SLC30A8: variants seen among roughly 807,000 people sequenced by gnomAD.
SLC30A8 encodes solute carrier family 30 member 8.
SLC30A8 carries 27 observed loss-of-function variants against 36.9 expected under a neutral mutation model. The observed-to-expected ratio is 0.73, with a 90% CI of 0.54 to 1.01. The LOEUF (loss-of-function observed/expected upper bound fraction) is 1.01. Among genes scored for constraint, SLC30A8 ranks in the 50% least tolerant of loss-of-function variants. The probability of loss-of-function intolerance (pLI) is 0.00; values close to 1 mark genes in which losing one functional copy is unlikely to be tolerated. For missense variants in SLC30A8, 439 were observed against 452.0 expected (o/e 0.97, Z 0.26); for synonymous variants, 164 against 172.4 (o/e 0.95, Z 0.38).
In SLC30A8 at chr8:117,147,150, G is replaced by A. The variant is rs749244005; in HGVS notation, c.268G>A (p.Val90Met). The stretch of plus-strand genomic sequence containing the variant: ...CTTCATTTTCATGATTGCAGAGGTC[G>A]TGGGTGAGTCTTTCTGCAGACTTTT... ...ICFIFMIAEV[V>M]GGHIAGSLAV... Residue 90 changes from valine (V) to methionine (M), a missense_variant, in exon 2 of 8, where the codon GTG (valine) becomes ATG (methionine). Coordinates refer to ENST00000456015, the MANE Select transcript of SLC30A8 (RefSeq NM_173851.3). The A allele has an allele frequency of 2.7e-5, 43 of 1,613,414 alleles. No individual in the cohort carries two copies. The highest frequency in any genetic ancestry group is 1.2e-4 in the Admixed American group (7 of 60,024).
chr8:117,134,446 CT>C (rs1177456088), upstream of SLC30A8, among the ~76,000 whole-genome samples: 1 of 151,944 alleles, frequency 6.6e-6, no homozygotes, highest in Non-Finnish European at 1.5e-5. Context: ...AAGGAAAGTG[CT>C]TTGTATGAAG....
In SLC30A8 at chr8:117,174,572, G is replaced by A. The variant is rs183288033; in HGVS notation, c.*1891G>A. 2.0e-5 allele frequency: 3 copies of A among 152,638 alleles called. No homozygotes were observed. Among genetic ancestry groups the A allele is most frequent in the Non-Finnish European group, 2.9e-5 (2 of 68,006 alleles). 9.5% of individuals were successfully genotyped at this position (152,638 alleles called of 1,614,324 possible). On this transcript the variant is annotated 3_prime_UTR_variant, in exon 8 of 8. Transcript: ENST00000456015. ...TGGTTTATGCCAAATCACTTTTCCT[G>A]TCTGAAGGACCACTGAATGGTTTTG...
chr8:116,977,557 G>A (rs1398330005), intron 1 of SLC30A8, among the ~76,000 whole-genome samples: 1 of 146,914 alleles, frequency 6.8e-6, no homozygotes, highest in East Asian at 2.0e-4. Context: ...TGTCGCCCAG[G>A]CTGGAGTGCA....
intron 2 of SLC30A8, among the ~76,000 whole-genome samples, chr8:117,149,117 G>A (rs1301834052): frequency 6.6e-6 from 1 of 152,180 alleles, no homozygotes; most frequent in Admixed American, 6.5e-5. Flanking sequence ...TTATTTAGCT[G>A]TTAAGCAAAA....
chr8:117,152,870 A>G (rs1822258157), intron 2 of SLC30A8, 74 bp from the exon 3 acceptor site: 18 of 1,253,950 alleles, frequency 1.4e-5, no homozygotes, highest in Non-Finnish European at 1.6e-5. Context: ...ATTTTCACCC[A>G]TGATGGTTAG....
At chr8:116,995,031 A>G (rs993326259) in intron 1 of SLC30A8, among the ~76,000 whole-genome samples, 1 of 152,082 alleles carries the variant, frequency 6.6e-6, no homozygotes, top group Non-Finnish European at 1.5e-5. Context: ...TAGCAAGTTC[A>G]TGGAAGGTCA....
chr8:117,020,056 C>G (rs1323208549), intron 1 of SLC30A8, among the ~76,000 whole-genome samples: 1 of 152,182 alleles, frequency 6.6e-6, no homozygotes, highest in East Asian at 1.9e-4. Flanking sequence ...ACGCAATTGC[C>G]TGTCCGCCTC....
chr8:117,029,392 T>C (rs1310934042), intron 1 of SLC30A8, among the ~76,000 whole-genome samples: 1 of 152,196 alleles, frequency 6.6e-6, no homozygotes, highest in Non-Finnish European at 1.5e-5. Flanking sequence ...TTTGTTTTAT[T>C]TTAAGAGAAT....
rs111215995 is a variant in SLC30A8 at position 117,097,656 on chromosome 8, A to G, written c.-225-37624A>G. 1.4e-3 allele frequency among the ~76,000 whole-genome samples: 59 copies of G among 42,808 alleles called. 19 individuals are homozygous for G. Among genetic ancestry groups the G allele is most frequent in the African/African-American group, 2.5e-3 (9 of 3,582 alleles). 28.1% of individuals were successfully genotyped at this position (42,808 alleles called of 152,430 possible). ...TATAATATATAATTTTAAATAATAT[A>G]TATAATATATAATTTTAAATAATAT... On this transcript the variant is annotated intron_variant, in intron 2 of 10. Transcript: ENST00000427715.
intron 1 of SLC30A8, among the ~76,000 whole-genome samples, chr8:117,137,650 G>T (rs60697720): frequency 0.015 from 2,303 of 151,988 alleles, 55 homozygotes; most frequent in African/African-American, 0.049. Flanking sequence ...TGGGGCGGGG[G>T]TCTTAATTCT....
In SLC30A8 at chr8:117,152,940, C is replaced by G. The variant is rs376685204; in HGVS notation, c.272-4C>G. The G allele has an allele frequency of 1.2e-4, 185 of 1,592,246 alleles. No homozygotes were observed. The highest frequency in any genetic ancestry group is 1.5e-4 in the Non-Finnish European group (176 of 1,166,018). ...AACACAGTGTACTATTTTGCATTCT[C>G]TAGGTGGGCACATTGCTGGGAGTCT... On this transcript the variant is annotated splice_polypyrimidine_tract_variant and splice_region_variant and intron_variant, in intron 2 of 7. Transcript: ENST00000456015.
At chr8:117,155,542 T>G (rs1822436427) in intron 3 of SLC30A8, among the ~76,000 whole-genome samples, 1 of 152,224 alleles carries the variant, frequency 6.6e-6, no homozygotes, top group South Asian at 2.1e-4. Flanking sequence ...GCCTTAATAA[T>G]GTACTACAAA....
chr8:117,154,433 CCAGCCT>C (rs903221922), intron 3 of SLC30A8, among the ~76,000 whole-genome samples: 1 of 152,172 alleles, frequency 6.6e-6, no homozygotes, highest in Admixed American at 6.5e-5. Flanking sequence ...GCAAGGGTGG[CCAGCCT>C]TCACTGAAAG....
upstream of SLC30A8, among the ~76,000 whole-genome samples, chr8:117,130,547 G>A (rs1000915986): frequency 6.6e-6 from 1 of 151,708 alleles, no homozygotes; most frequent in Non-Finnish European, 1.5e-5. Context: ...TTAAATTTGA[G>A]CATTTAATGT....
intron 2 of SLC30A8, among the ~76,000 whole-genome samples, chr8:117,107,934 C>G (rs900151771): frequency 6.6e-6 from 1 of 152,112 alleles, no homozygotes; most frequent in Non-Finnish European, 1.5e-5. Flanking sequence ...TTCTAATCAC[C>G]TTTATCATTC....
chr8:117,019,399 T>G (rs988817302), intron 1 of SLC30A8, among the ~76,000 whole-genome samples: 5 of 152,220 alleles, frequency 3.3e-5, no homozygotes, highest in Non-Finnish European at 7.3e-5. Flanking sequence ...GCACTTTCCT[T>G]ATCATTTCCC....
intron 1 of SLC30A8, among the ~76,000 whole-genome samples, chr8:117,035,621 A>G (rs1817188253): frequency 6.6e-6 from 1 of 152,250 alleles, no homozygotes; most frequent in Admixed American, 6.5e-5. Flanking sequence ...TGCCCCAGTG[A>G]GGACTCTGTG....
Position 117,095,857 on chromosome 8 carries a change from T to G in SLC30A8, c.-225-39423T>G, listed in dbSNP as rs1156713389. Among the ~76,000 whole-genome samples, 3 of 152,202 alleles carry G rather than the reference T, an allele frequency of 2.0e-5. No individual in the cohort carries two copies. The East Asian group carries it at 5.8e-4, about 29-fold the overall frequency. On this transcript the variant is annotated intron_variant, in intron 2 of 10. Coordinates refer to the SLC30A8 transcript ENST00000427715. ...TTAACTGATCATAAACTTATATAAT[T>G]ACAAACTGTATTTAGTATTATGGAG...
chr8:116,997,409 G>T (rs1343695904), intron 1 of SLC30A8, among the ~76,000 whole-genome samples: 1 of 151,970 alleles, frequency 6.6e-6, no homozygotes, highest in Admixed American at 6.6e-5. Context: ...AATATTTTTT[G>T]TTAGATGTAT....
Sources: allele counts gnomAD v4.1 joint callset (sites outside exome capture counted in the v4.1 genomes callset), GRCh38; gene constraint gnomAD v4.1.1; transcripts MANE v1.5; gene names NCBI Gene and HGNC (gene_info 2026-07-23, HGNC 2026-07-21).